Variants in ZNF850 observed in about 807,000 individuals in gnomAD.
The protein encoded by ZNF850 is putative zinc finger protein ENSP00000330994.
ZNF850 carries 2 observed loss-of-function variants against 11.9 expected under a neutral mutation model. The ratio of observed to expected loss-of-function variants is 0.17; its 90% CI spans 0.07 to 0.53. The LOEUF (loss-of-function observed/expected upper bound fraction) is 0.53, where lower values mean the gene tolerates loss of function less well. Ranked by LOEUF, ZNF850 falls within the 20% of genes least tolerant of loss-of-function variation. The pLI, the probability that ZNF850 is intolerant of heterozygous loss-of-function variation, is 0.94. For synonymous variants in ZNF850, 381 were observed against 443.0 expected, an observed-to-expected ratio of 0.86 and a Z score of 1.76; for missense variants, 1,014 against 1,316.4, an observed-to-expected ratio of 0.77 and a Z score of 3.55.
At position 36,747,479 on chromosome 19, in the gene ZNF850, CA is replaced by C; in HGVS notation, c.*287del. 3 of 238,754 alleles carry C rather than the reference CA, an allele frequency of 1.3e-5. No individual in the cohort carries two copies. Among genetic ancestry groups the C allele is most frequent in the Non-Finnish European group, 2.4e-5 (3 of 123,140 alleles). The allele number at this position is 238,754 out of a possible 1,614,324, so 14.8% of individuals were successfully genotyped here. On this transcript the variant is annotated 3_prime_UTR_variant, in exon 5 of 5. Coordinates refer to ENST00000591344, the MANE Select transcript of ZNF850 (RefSeq NM_001193552.2). ...CCTGTCTCTACTAAAAATACAAAAA[CA>C]AAAAAATTAGCCAGGCGTGGTGGCA...
intron 3 of ZNF850, 37 bp downstream of exon 3, chr19:36,762,268 C>A: frequency 1.4e-6 from 2 of 1,468,032 alleles, no homozygotes; most frequent in Non-Finnish European, 9.0e-7. Context: ...AAGCTACACC[C>A]AAAATTCATG....
intron 4 of ZNF850, among the ~76,000 whole-genome samples, chr19:36,754,171 C>CAAA (rs61598199): frequency 4.1e-4 from 30 of 73,066 alleles, no homozygotes; most frequent in Admixed American, 7.3e-4. Flanking sequence ...GACCCTGTCT[C>CAAA]AAAAAAAAAA....
Position 36,745,498 on chromosome 19 carries a change from G to A in ZNF850, c.*2269C>T, listed in dbSNP as rs1409109805. On this transcript the variant is annotated 3_prime_UTR_variant, in exon 5 of 5. Transcript: ENST00000591344. Reference sequence around the variant, plus strand: ...CAGAGACCAGCCTGACCAACATGGAGAAACCCCGTCTCTACTAAATAATAC... The same window carrying A: ...CAGAGACCAGCCTGACCAACATGGAAAAACCCCGTCTCTACTAAATAATAC... 6.6e-6 allele frequency: 1 copy of A among 151,932 alleles called. No individual in the cohort carries two copies. Among genetic ancestry groups the A allele is most frequent in the East Asian group, 1.9e-4 (1 of 5,172 alleles). 9.4% of individuals were successfully genotyped at this position (151,932 alleles called of 1,614,324 possible).
At chr19:36,770,854 G>C (rs2040577642) in intron 1 of ZNF850, among the ~76,000 whole-genome samples, 1 of 150,658 alleles carries the variant, frequency 6.6e-6, no homozygotes, top group Non-Finnish European at 1.5e-5. Context: ...ATTCAATACA[G>C]ACATGGAAAC....
intron 4 of ZNF850, among the ~76,000 whole-genome samples, chr19:36,758,898 G>A (rs1012474357): frequency 1.4e-5 from 2 of 143,092 alleles, no homozygotes; most frequent in African/African-American, 2.6e-5. Context: ...CCAATGTGGT[G>A]AAACCCCATC....
chr19:36,754,042 G>C (rs968126282), intron 4 of ZNF850, among the ~76,000 whole-genome samples: 3 of 151,908 alleles, frequency 2.0e-5, no homozygotes, highest in Non-Finnish European at 2.9e-5. Flanking sequence ...GGTGGATTGT[G>C]CCTGTATTTT....
Position 36,753,422 on chromosome 19 carries a change from C to CAAAAAAAAAAAAAAAAAAA in ZNF850, c.236-2637_236-2619dup, listed in dbSNP as rs58851544. ...TGGGCAACAGCCTGGGACACTGTCT[C>CAAAAAAAAAAAAAAAAAAA]AAAAAAAAAAAAAAAAAAAAAAAAG... On this transcript the variant is annotated intron_variant, in intron 4 of 4. Transcript: ENST00000591344. 3.0e-4 allele frequency among the ~76,000 whole-genome samples: 14 copies of CAAAAAAAAAAAAAAAAAAA among 46,650 alleles called. 4 individuals are homozygous for CAAAAAAAAAAAAAAAAAAA. The highest frequency in any genetic ancestry group is 7.6e-4 in the Admixed American group (2 of 2,640). The allele number at this position is 46,650 out of a possible 152,430, so 30.6% of individuals were successfully genotyped here. A position where few individuals can be genotyped will look rare whatever the true frequency, so the allele number is the denominator to read the frequency against.
Position 36,746,678 on chromosome 19 carries a change from G to A in ZNF850, c.*1089C>T, listed in dbSNP as rs1352740228. The A allele has an allele frequency of 6.6e-6, 1 of 152,076 alleles. No individual in the cohort carries two copies. The highest frequency in any genetic ancestry group is 1.9e-4 in the East Asian group (1 of 5,170). The allele number at this position is 152,076 out of a possible 1,614,324, so 9.4% of individuals were successfully genotyped here. ...AATTTCTAATATAAATTGCCCACTG[G>A]ATCCAAAGGAGAAGGTGCGCACAGA... On this transcript the variant is annotated 3_prime_UTR_variant, in exon 5 of 5. Coordinates refer to ENST00000591344, the MANE Select transcript of ZNF850 (RefSeq NM_001193552.2).
At chr19:36,760,414 T>G (rs1297145394) in intron 4 of ZNF850, among the ~76,000 whole-genome samples, 2 of 152,104 alleles carry the variant, frequency 1.3e-5, no homozygotes, top group East Asian at 3.9e-4. Context: ...TCCACTGCAC[T>G]CCAGCCTGGG....
intron 1 of ZNF850, among the ~76,000 whole-genome samples, chr19:36,764,182 T>A (rs1273704045): frequency 6.6e-6 from 1 of 152,026 alleles, no homozygotes; most frequent in African/African-American, 2.4e-5. Flanking sequence ...AAGGTGGAGG[T>A]TGCAGTGAGC....
intron 4 of ZNF850, among the ~76,000 whole-genome samples, chr19:36,753,422 CAAA>C (rs58851544): frequency 2.6e-4 from 12 of 46,642 alleles, no homozygotes; most frequent in Admixed American, 1.5e-3. Flanking sequence ...GACACTGTCT[CAAA>C]AAAAAAAAAA....
In ZNF850 at chr19:36,762,657, G is replaced by A. The variant is rs895982484; in HGVS notation, c.-51C>T. On this transcript the variant is annotated 5_prime_UTR_variant, in exon 2 of 5. Transcript: ENST00000591344. ...CCTCCTTCATAGAATGGGACATTCC[G>A]AATATTCCATGGTTAGAGCTGGGAA... 13 of 1,504,182 alleles carry A rather than the reference G, an allele frequency of 8.6e-6. No homozygotes were observed. Among genetic ancestry groups the A allele is most frequent in the African/African-American group, 8.3e-5 (6 of 72,378 alleles). The allele number at this position is 1,504,182 out of a possible 1,614,324, so 93.2% of individuals were successfully genotyped here.
intron 3 of ZNF850, among the ~76,000 whole-genome samples, 170 bp downstream of exon 3, chr19:36,762,135 G>A (rs777816758): frequency 6.6e-6 from 1 of 152,054 alleles, no homozygotes; most frequent in Non-Finnish European, 1.5e-5. Flanking sequence ...AAGGACTAGA[G>A]GAAGGTGTAG....
In ZNF850 at chr19:36,748,018, G is replaced by A; in HGVS notation, c.3022C>T (p.Pro1008Ser). Reference sequence around the variant, plus strand: ...TTCCCACATTCCTTACAATCATAAGGTTTCTCACCAGTGTGAGTTCGCTGA... The same window carrying A: ...TTCCCACATTCCTTACAATCATAAGATTTCTCACCAGTGTGAGTTCGCTGA... ...RHQRTHTGEK[P>S]YDCKECGKAF... The change falls in exon 5 of 5, where the codon CCT becomes TCT. Residue 1008 changes from proline to serine, a missense_variant. Pro to Ser is a moderately conservative substitution (Grantham distance 74, BLOSUM62 -1). Coordinates refer to ENST00000591344, the MANE Select transcript of ZNF850 (RefSeq NM_001193552.2). 2 of 1,591,886 alleles carry A rather than the reference G, an allele frequency of 1.3e-6. No individual in the cohort carries two copies. The highest frequency in any genetic ancestry group is 1.7e-6 in the Non-Finnish European group (2 of 1,171,436).
chr19:36,756,744 G>T (rs978098433), intron 4 of ZNF850, among the ~76,000 whole-genome samples: 2 of 152,094 alleles, frequency 1.3e-5, no homozygotes, highest in African/African-American at 4.8e-5. Flanking sequence ...CTCCCAAGTA[G>T]CTGGGACTAC....
Position 36,746,375 on chromosome 19 carries a change from A to G in ZNF850, c.*1392T>C, listed in dbSNP as rs969050094. 4 of 152,148 alleles carry G rather than the reference A, an allele frequency of 2.6e-5. No individual in the cohort carries two copies. The highest frequency in any genetic ancestry group is 5.9e-5 in the Non-Finnish European group (4 of 68,044). 9.4% of individuals were successfully genotyped at this position (152,148 alleles called of 1,614,324 possible). On this transcript the variant is annotated 3_prime_UTR_variant, in exon 5 of 5. Transcript: ENST00000591344. Reference sequence around the variant, plus strand: ...AAACATGGTGTGTGTTCTGACTACAAACTTAATTGATAAACACTGTGTGTG... The same window carrying G: ...AAACATGGTGTGTGTTCTGACTACAGACTTAATTGATAAACACTGTGTGTG...
At chr19:36,760,479 C>T (rs1231591454) in intron 4 of ZNF850, among the ~76,000 whole-genome samples, 1 of 151,720 alleles carries the variant, frequency 6.6e-6, no homozygotes, top group Non-Finnish European at 1.5e-5. Context: ...CTTTATTAGA[C>T]TGTAATTCTG....
intron 1 of ZNF850, among the ~76,000 whole-genome samples, chr19:36,766,452 A>G (rs1299089528): frequency 6.6e-6 from 1 of 152,204 alleles, no homozygotes; most frequent in African/African-American, 2.4e-5. Flanking sequence ...CGCAGTACAC[A>G]TATAATTTTG....
In ZNF850 at chr19:36,746,465, C is replaced by T. The variant is rs1357525103; in HGVS notation, c.*1302G>A. 1 of 152,242 alleles carries T rather than the reference C, an allele frequency of 6.6e-6. No homozygotes were observed. Among genetic ancestry groups the T allele is most frequent in the African/African-American group, 2.4e-5 (1 of 41,454 alleles). 9.4% of individuals were successfully genotyped at this position (152,242 alleles called of 1,614,324 possible). On this transcript the variant is annotated 3_prime_UTR_variant, in exon 5 of 5. Transcript: ENST00000591344. ...CTCCCAGGTTCAAGCGATTCTCCAG[C>T]CTTGCCTCCTGAATAGCTGGGATTA... is the stretch of plus-strand genomic sequence containing the variant.
Sources: gnomAD v4.1 joint callset for allele counts (sites outside exome capture counted in the v4.1 genomes callset) on GRCh38, gnomAD v4.1.1 for gene constraint, MANE v1.5 for transcripts, NCBI Gene and HGNC (gene_info 2026-07-23, HGNC 2026-07-21) for gene names.